LRP1B: variants seen among roughly 807,000 people sequenced by gnomAD.
The protein encoded by LRP1B is low-density lipoprotein receptor-related protein 1B.
In LRP1B, 217 loss-of-function variants were observed where a neutral mutation model predicts 556.6. The ratio of observed to expected loss-of-function variants is 0.39; its 90% CI spans 0.35 to 0.44. The LOEUF is 0.44. Among genes scored for constraint, LRP1B ranks in the 20% least tolerant of loss-of-function variants. LRP1B has a pLI of 1.00. For synonymous variants in LRP1B, 2,047 were observed against 1,865.8 expected, an observed-to-expected ratio of 1.10 and a Z score of -2.50; for missense variants, 5,053 against 5,620.8, an observed-to-expected ratio of 0.90 and a Z score of 3.23.
chr2:140,879,679 T>C (rs1185318674), intron 25 of LRP1B, among the ~76,000 whole-genome samples: 2 of 152,112 alleles, frequency 1.3e-5, no homozygotes, highest in East Asian at 3.9e-4. Flanking sequence ...ATGGTTAAAA[T>C]GCATTAGCAT....
intron 6 of LRP1B, among the ~76,000 whole-genome samples, chr2:141,189,253 G>A (rs1488800564): frequency 3.3e-5 from 5 of 151,970 alleles, no homozygotes; most frequent in Non-Finnish European, 5.9e-5. Flanking sequence ...AGCAGTCTGA[G>A]CTATGTGAGG....
intron 2 of LRP1B, among the ~76,000 whole-genome samples, chr2:141,742,744 A>G (rs758081921): frequency 1.2e-4 from 18 of 152,148 alleles, no homozygotes; most frequent in Middle Eastern, 3.2e-3. Flanking sequence ...CTTCAAATCC[A>G]TGACATGGAA....
chr2:140,929,756 TCACACACACACACACA>T (rs3063648), intron 20 of LRP1B, among the ~76,000 whole-genome samples: 21 of 139,320 alleles, frequency 1.5e-4, no homozygotes, highest in African/African-American at 3.7e-4. Context: ...TCATATAGAC[TCACACACACACACACA>T]CACACACACA....
Position 141,732,334 on chromosome 2 carries a change from G to T in LRP1B, c.205+77945C>A, listed in dbSNP as rs191722410. Among the ~76,000 whole-genome samples, 273 of 143,216 alleles carry T rather than the reference G, an allele frequency of 1.9e-3. 1 individual carries two copies. Among genetic ancestry groups the T allele is most frequent in the Admixed American group, 3.4e-3 (45 of 13,328 alleles). 94.0% of individuals were successfully genotyped at this position (143,216 alleles called of 152,430 possible). On this transcript the variant is annotated intron_variant, in intron 2 of 90. Transcript: ENST00000389484. ...CAGATTCCTAAAATATAATATATCT[G>T]CATTTATGAAAATAGTTTTTTTCCA...
At chr2:141,074,557 TTC>T (rs1558842310) in intron 7 of LRP1B, among the ~76,000 whole-genome samples, 1 of 99,200 alleles carries the variant, frequency 1.0e-5, no homozygotes, top group African/African-American at 3.4e-5. Flanking sequence ...TTCTTTCTCT[TTC>T]TGTCTCTCTG....
chr2:141,878,225 C>G (rs932699881), intron 1 of LRP1B, among the ~76,000 whole-genome samples: 2 of 151,814 alleles, frequency 1.3e-5, no homozygotes, highest in Admixed American at 1.3e-4. Flanking sequence ...CAGCCAGAAT[C>G]CTCACCACAG....
rs1032926518 is a variant in LRP1B, at chr2:140,744,055, A to G, written c.5758+25158T>C. ...GTTATCAGTGGGTGAGAGGAATGAG[A>G]AGATGTTAATCAAAGGGTATAAACC... On this transcript the variant is annotated intron_variant, in intron 35 of 90. Coordinates refer to ENST00000389484, the MANE Select transcript of LRP1B (RefSeq NM_018557.3). Among the ~76,000 whole-genome samples, 3 of 150,120 alleles carry G rather than the reference A, an allele frequency of 2.0e-5. No homozygotes were observed. In the East Asian group the frequency reaches 5.9e-4, roughly 29 times the overall value.
At chr2:140,827,772 T>C (rs1691560094) in intron 31 of LRP1B, among the ~76,000 whole-genome samples, 1 of 151,798 alleles carries the variant, frequency 6.6e-6, no homozygotes, top group South Asian at 2.1e-4. Flanking sequence ...AGATCAGAGA[T>C]CACCAAACAG....
intron 41 of LRP1B, among the ~76,000 whole-genome samples, chr2:140,692,074 A>T (rs1469319272): frequency 6.6e-6 from 1 of 152,146 alleles, no homozygotes; most frequent in Non-Finnish European, 1.5e-5. Flanking sequence ...TTTTAGGCTT[A>T]CAGAAAAGTT....
intron 2 of LRP1B, among the ~76,000 whole-genome samples, chr2:141,614,721 G>A (rs1429435494): frequency 1.3e-5 from 2 of 151,986 alleles, no homozygotes; most frequent in Non-Finnish European, 2.9e-5. Flanking sequence ...TAAAGAAGAG[G>A]CATAGAATAG....
rs774760516 is a variant in LRP1B at position 140,994,005 on chromosome 2, T to C, written c.2634A>G (p.Ser878=). 11 of 1,612,296 alleles carry C rather than the reference T, an allele frequency of 6.8e-6. No homozygotes were observed. Among genetic ancestry groups the C allele is most frequent in the Non-Finnish European group, 9.3e-6 (11 of 1,178,914 alleles). Residue 878 remains serine, a synonymous_variant, in exon 16 of 91, where the codon TCA becomes TCG. Transcript: ENST00000389484. ...TGGAAGAGAACATACAGCAGTTTAC[T>C]GAATCCTCATCGCTTCCGTCTAGGC... is the stretch of plus-strand genomic sequence containing the variant. ...DDCLDGSDED[S]VNCFNHSCPD...
intron 75 of LRP1B, among the ~76,000 whole-genome samples, chr2:140,353,627 C>A (rs1247013477): frequency 1.3e-5 from 2 of 152,082 alleles, no homozygotes; most frequent in East Asian, 3.9e-4. Context: ...ATAAAGCCTT[C>A]CTTGGTCTCC....
chr2:140,753,037 T>C (rs167011), intron 35 of LRP1B, among the ~76,000 whole-genome samples: 52,193 of 152,090 alleles, frequency 0.34, 9,235 homozygotes, highest in African/African-American at 0.42. Flanking sequence ...TCTATTAATA[T>C]CACCCTTCCC....
chr2:141,479,363 C>T (rs150543186), intron 3 of LRP1B, among the ~76,000 whole-genome samples: 91 of 152,104 alleles, frequency 6.0e-4, no homozygotes, highest in Non-Finnish European at 1.2e-3. Context: ...GCACTTTAAA[C>T]GTATACATAT....
intron 59 of LRP1B, 134 bp downstream of exon 59, chr2:140,485,203 TTTTTTC>T (rs1688415845): frequency 5.9e-6 from 3 of 510,512 alleles, no homozygotes; most frequent in Middle Eastern, 8.5e-4. Context: ...ACATTACTGT[TTTTTTC>T]TATTTCTAAG....
intron 41 of LRP1B, among the ~76,000 whole-genome samples, chr2:140,675,934 G>A (rs193212617): frequency 6.6e-6 from 1 of 151,748 alleles, no homozygotes; most frequent in Admixed American, 6.6e-5. Flanking sequence ...CAATGTTTCA[G>A]TGTCTCTGAT....
rs76895453 is a variant in LRP1B at position 141,670,355 on chromosome 2, A to T, written c.205+139924T>A. ...AAATGATGCTTTAATATCACATATT[A>T]ACTGTGTATAAAAATAACACTTTAT... On this transcript the variant is annotated intron_variant, in intron 2 of 90. Coordinates refer to ENST00000389484, the MANE Select transcript of LRP1B (RefSeq NM_018557.3). Among the ~76,000 whole-genome samples, 328 of 152,338 alleles carry T rather than the reference A, an allele frequency of 2.2e-3. 2 individuals carry two copies. Among genetic ancestry groups the T allele is most frequent in the African/African-American group, 7.3e-3 (302 of 41,586 alleles).
At chr2:140,399,082 CT>C (rs749315159) in intron 66 of LRP1B, among the ~76,000 whole-genome samples, 1 of 151,846 alleles carries the variant, frequency 6.6e-6, no homozygotes, top group Non-Finnish European at 1.5e-5. Flanking sequence ...ACTTATCTTT[CT>C]TTTTCTTTAA....
intron 41 of LRP1B, among the ~76,000 whole-genome samples, chr2:140,679,030 G>C (rs1685771343): frequency 6.6e-6 from 1 of 152,112 alleles, no homozygotes; most frequent in African/African-American, 2.4e-5. Flanking sequence ...ACCTGCCTCT[G>C]CCTCCCAAAG....
Sources: allele counts gnomAD v4.1 joint callset (sites outside exome capture counted in the v4.1 genomes callset), GRCh38; gene constraint gnomAD v4.1.1; transcripts MANE v1.5; gene names NCBI Gene and HGNC (gene_info 2026-07-23, HGNC 2026-07-21).